Variants in HM13 observed in about 807,000 individuals in gnomAD.
HM13 encodes the protein histocompatibility minor 13, also known as signal peptide peptidase.
In HM13, 18 loss-of-function variants were observed where a neutral mutation model predicts 50.0. That is an observed-to-expected ratio of 0.36 (90% CI 0.25 to 0.53). The LOEUF (loss-of-function observed/expected upper bound fraction) is 0.53. Among genes scored for constraint, HM13 ranks in the 20% least tolerant of loss-of-function variants. The probability of loss-of-function intolerance (pLI) is 0.90; values close to 1 mark genes in which losing one functional copy is unlikely to be tolerated. For missense variants in HM13, 393 were observed against 552.4 expected (o/e 0.71, Z 2.89); for synonymous variants, 197 against 232.6 (o/e 0.85, Z 1.39).
chr20:31,531,059 T>G (rs923523689), intron 2 of HM13, among the ~76,000 whole-genome samples: 2 of 152,222 alleles, frequency 1.3e-5, no homozygotes, highest in East Asian at 3.8e-4. Flanking sequence ...TTTTTTTCTT[T>G]TTTGAGATGG....
chr20:31,560,977 G>A (rs1294503548), intron 9 of HM13, among the ~76,000 whole-genome samples: 1 of 152,226 alleles, frequency 6.6e-6, no homozygotes, highest in Non-Finnish European at 1.5e-5. Context: ...ATTGGAGAGG[G>A]AAGTCACGTA....
chr20:31,543,580 C>T (rs1238084610), intron 3 of HM13, among the ~76,000 whole-genome samples: 2 of 151,930 alleles, frequency 1.3e-5, no homozygotes, highest in Non-Finnish European at 2.9e-5. Flanking sequence ...AGCCACTGCA[C>T]CTGGCCAGAG....
intron 1 of HM13, among the ~76,000 whole-genome samples, chr20:31,522,865 A>T (rs1982255661): frequency 6.6e-6 from 1 of 151,654 alleles, no homozygotes; most frequent in African/African-American, 2.4e-5. Context: ...CTTAGAGAAA[A>T]AAAAAATCAC....
chr20:31,558,384 T>C (rs1341694420), intron 8 of HM13, among the ~76,000 whole-genome samples: 1 of 152,102 alleles, frequency 6.6e-6, no homozygotes, highest in Non-Finnish European at 1.5e-5. Context: ...CCAGTGCGTC[T>C]CTTCACTCAG....
chr20:31,561,547 G>A, intron 9 of HM13, 87 bp from the exon 10 acceptor site: 1 of 924,854 alleles, frequency 1.1e-6, no homozygotes, highest in Admixed American at 1.8e-5. Context: ...CAACCTCTAG[G>A]GTCTTCCCCA....
At chr20:31,551,080 T>TC (rs1984013377) in intron 7 of HM13, among the ~76,000 whole-genome samples, 1 of 152,254 alleles carries the variant, frequency 6.6e-6, no homozygotes, top group South Asian at 2.1e-4. Context: ...TTAGGTTTTA[T>TC]CCCCAAAACA....
chr20:31,539,499 A>G, intron 3 of HM13: 1 of 985,542 alleles, frequency 1.0e-6, no homozygotes, highest in Non-Finnish European at 1.2e-6. Flanking sequence ...TCCCAAAAGC[A>G]TTGAAAGCCA....
intron 7 of HM13, among the ~76,000 whole-genome samples, chr20:31,553,326 G>C (rs1019018593): frequency 1.3e-5 from 2 of 150,854 alleles, no homozygotes; most frequent in Non-Finnish European, 2.9e-5. Context: ...GTTGGCCAGA[G>C]CTGACCCCCT....
chr20:31,527,513 C>G lies in HM13; in HGVS notation c.213C>G (p.Thr71=), dbSNP rs746821355. Residue 71 remains threonine, a synonymous_variant, in exon 2 of 13, where the codon ACC becomes ACG. Transcript: ENST00000398174. ...CTTCAGACATGCCTGAAACAATCAC[C>G]AGCCGGGATGCCGCCCGCTTCCCCA... ...KNASDMPETI[T]SRDAARFPII... is the part of the protein sequence containing the mutation. The G allele has an allele frequency of 1.1e-5, 18 of 1,614,050 alleles. No individual in the cohort carries two copies. Among genetic ancestry groups the G allele is most frequent in the Non-Finnish European group, 1.5e-5 (18 of 1,179,960 alleles).
At chr20:31,524,818 A>T (rs1448655936) in intron 1 of HM13, among the ~76,000 whole-genome samples, 1 of 146,112 alleles carries the variant, frequency 6.8e-6, no homozygotes, top group Non-Finnish European at 1.5e-5. Flanking sequence ...GGTTCATGCC[A>T]TTCTGCTGCC....
intron 12 of HM13, 58 bp downstream of exon 12, chr20:31,568,282 T>C: frequency 6.3e-7 from 1 of 1,588,678 alleles, no homozygotes; most frequent in Non-Finnish European, 8.6e-7. Context: ...GGGCCCAAGG[T>C]AGGGCAGACA....
Position 31,569,361 on chromosome 20 carries a change from C to A in HM13, c.*142C>A, listed in dbSNP as rs58780098. On this transcript the variant is annotated 3_prime_UTR_variant, in exon 13 of 13. Transcript: ENST00000398174. Reference sequence around the variant, plus strand: ...GGCAGCAGGATACCTCCAGCCAGGCCTCTGTGGCCTCTGTTTCCTTCTCCC... The same window carrying A: ...GGCAGCAGGATACCTCCAGCCAGGCATCTGTGGCCTCTGTTTCCTTCTCCC... 9.9e-3 allele frequency: 5,290 copies of A among 535,930 alleles called. 229 individuals are homozygous for A. The highest frequency in any genetic ancestry group is 0.091 in the African/African-American group (4,739 of 52,220). 33.2% of individuals were successfully genotyped at this position (535,930 alleles called of 1,614,324 possible).
rs1985128294 is a variant in HM13 at position 31,569,285 on chromosome 20, G to A, written c.*66G>A. On this transcript the variant is annotated 3_prime_UTR_variant, in exon 13 of 13. Coordinates refer to ENST00000398174, the MANE Select transcript of HM13 (RefSeq NM_178581.3). ...ATGGGGGCTGGGCCCACACAGGCGT[G>A]CACCGGTAGAGGGCACAGGAGGCCA... is the stretch of plus-strand genomic sequence containing the variant. 2 of 1,174,234 alleles carry A rather than the reference G, an allele frequency of 1.7e-6. No individual in the cohort carries two copies. The highest frequency in any genetic ancestry group is 2.0e-5 in the Admixed American group (1 of 49,210). 72.7% of individuals were successfully genotyped at this position (1,174,234 alleles called of 1,614,324 possible). A position where few individuals can be genotyped will look rare whatever the true frequency, so the allele number is the denominator to read the frequency against.
Position 31,551,527 on chromosome 20 carries a change from C to T in HM13, c.724+1406C>T, listed in dbSNP as rs116783904. Among the ~76,000 whole-genome samples the T allele has an allele frequency of 4.8e-3, 724 of 152,310 alleles. 7 individuals carry two copies. Among genetic ancestry groups the T allele is most frequent in the African/African-American group, 0.017 (694 of 41,572 alleles). On this transcript the variant is annotated intron_variant, in intron 7 of 12. Coordinates refer to ENST00000398174, the MANE Select transcript of HM13 (RefSeq NM_178581.3). Reference sequence around the variant, plus strand: ...GTCACAGGCCCAAGTCTAAACCATTCACCAGTGAGGGGGATAGGAAACATG... The same window carrying T: ...GTCACAGGCCCAAGTCTAAACCATTTACCAGTGAGGGGGATAGGAAACATG...
chr20:31,548,945 C>A, intron 4 of HM13, 84 bp from the exon 5 acceptor site: 1 of 1,186,438 alleles, frequency 8.4e-7, no homozygotes. Context: ...GTGCCCACAG[C>A]CATGCCCTCC....
chr20:31,538,091 C>T (rs1054876904), intron 2 of HM13, 88 bp from the exon 3 acceptor site: 7 of 1,524,478 alleles, frequency 4.6e-6, no homozygotes, highest in Non-Finnish European at 6.2e-6. Flanking sequence ...AGGGTGAGAC[C>T]AACCTCCAGA....
intron 3 of HM13, chr20:31,541,257 G>A (rs1983434935): frequency 3.3e-5 from 5 of 152,044 alleles, no homozygotes. Flanking sequence ...TAGGCTGTTG[G>A]ATCACCTGAG....
intron 4 of HM13, among the ~76,000 whole-genome samples, chr20:31,546,666 A>C (rs1289963073): frequency 2.0e-5 from 3 of 151,782 alleles, no homozygotes; most frequent in Non-Finnish European, 2.9e-5. Context: ...AGGCAGGAGA[A>C]TCGCTTTAAC....
chr20:31,557,773 T>G (rs2122647216), intron 8 of HM13, among the ~76,000 whole-genome samples: 1 of 132,800 alleles, frequency 7.5e-6, no homozygotes, highest in Middle Eastern at 4.2e-3. Context: ...AATGGCACAA[T>G]CTAAGCTCAC....
Sources: gnomAD v4.1 joint callset for allele counts (sites outside exome capture counted in the v4.1 genomes callset) on GRCh38, gnomAD v4.1.1 for gene constraint, MANE v1.5 for transcripts, NCBI Gene and HGNC (gene_info 2026-07-23, HGNC 2026-07-21) for gene names.